The following RBFOX1 variants were observed in gnomAD, a reference collection of about 807,000 sequenced individuals.
RBFOX1 encodes the protein RNA binding protein fox-1 homolog 1.
RBFOX1 carries 8 observed loss-of-function variants against 57.7 expected under a neutral mutation model. That is an observed-to-expected ratio of 0.14 (90% CI 0.08 to 0.25). The LOEUF (loss-of-function observed/expected upper bound fraction) is 0.25, where lower values mean the gene tolerates loss of function less well. Among genes scored for constraint, RBFOX1 ranks in the 10% least tolerant of loss-of-function variants. RBFOX1 has a pLI of 1.00. For missense variants in RBFOX1, 611 were observed against 548.5 expected (o/e 1.11, Z -1.14); for synonymous variants, 326 against 222.4 (o/e 1.47, Z -4.15).
chr16:5,594,820 A>T (rs190814901), intron 2 of RBFOX1, among the ~76,000 whole-genome samples: 2 of 151,890 alleles, frequency 1.3e-5, no homozygotes, highest in Non-Finnish European at 2.9e-5. Flanking sequence ...TTACATGTCT[A>T]TGTAAGTATT....
intron 10 of RBFOX1, among the ~76,000 whole-genome samples, chr16:7,611,396 G>A (rs1231414855): frequency 2.0e-5 from 3 of 152,200 alleles, no homozygotes; most frequent in African/African-American, 7.2e-5. Flanking sequence ...GGCCAACATG[G>A]TGAAATCCTG....
chr16:7,054,672 A>C (rs375147448), intron 4 of RBFOX1, among the ~76,000 whole-genome samples: 14 of 152,262 alleles, frequency 9.2e-5, no homozygotes, highest in African/African-American at 2.6e-4. Context: ...GAAGAAAATT[A>C]GAAATCTGTT....
At chr16:5,527,645 C>T (rs1202815096) in intron 2 of RBFOX1, among the ~76,000 whole-genome samples, 1 of 152,102 alleles carries the variant, frequency 6.6e-6, no homozygotes, top group Admixed American at 6.5e-5. Flanking sequence ...CATTGGAGGG[C>T]AGGGTTTAGG....
intron 3 of RBFOX1, among the ~76,000 whole-genome samples, chr16:6,916,580 C>G (rs1428325212): frequency 2.0e-5 from 3 of 151,064 alleles, no homozygotes; most frequent in Non-Finnish European, 4.4e-5. Flanking sequence ...ATCATCGTGA[C>G]CTACACACTT....
chr16:7,539,205 A>G (rs2082269176), intron 5 of RBFOX1, among the ~76,000 whole-genome samples: 2 of 152,156 alleles, frequency 1.3e-5, no homozygotes, highest in African/African-American at 2.4e-5. Flanking sequence ...GAAAACACAT[A>G]TTAGGTTGAA....
intron 14 of RBFOX1, 83 bp from the exon 15 acceptor site, chr16:7,708,973 G>A (rs1395665782): frequency 4.5e-6 from 6 of 1,333,884 alleles, no homozygotes; most frequent in African/African-American, 1.4e-5. Flanking sequence ...CCTGCATACT[G>A]TCTTGGTATT....
At chr16:5,347,059 G>C (rs1368572705) in intron 1 of RBFOX1, among the ~76,000 whole-genome samples, 3 of 151,968 alleles carry the variant, frequency 2.0e-5, no homozygotes, top group Non-Finnish European at 2.9e-5. Flanking sequence ...CTTTCCTCAA[G>C]GGACGCCTTT....
intron 3 of RBFOX1, among the ~76,000 whole-genome samples, chr16:7,014,810 C>T (rs561226719): frequency 8.5e-5 from 13 of 152,192 alleles, no homozygotes; most frequent in African/African-American, 1.7e-4. Context: ...CTGCAACCTC[C>T]GTCTCCAGGA....
chr16:5,849,814 T>G (rs1053660401), intron 3 of RBFOX1, among the ~76,000 whole-genome samples: 3 of 152,210 alleles, frequency 2.0e-5, no homozygotes, highest in Non-Finnish European at 4.4e-5. Context: ...TGAGTTGTGC[T>G]GTCATTTGTT....
chr16:6,915,761 A>G (rs72772237), intron 3 of RBFOX1, among the ~76,000 whole-genome samples: 16,637 of 152,018 alleles, frequency 0.11, 1,150 homozygotes, highest in Non-Finnish European at 0.14. Flanking sequence ...CATGTTGCCC[A>G]TGCTGCCCTC....
chr16:7,302,035 A>T (rs1030320208), intron 4 of RBFOX1, among the ~76,000 whole-genome samples: 5 of 152,172 alleles, frequency 3.3e-5, no homozygotes, highest in African/African-American at 1.2e-4. Context: ...ACGTTTTTCA[A>T]ACTAACCACT....
Position 6,500,269 on chromosome 16 carries a change from G to C in RBFOX1, c.-63-154334G>C, listed in dbSNP as rs182704737. Among the ~76,000 whole-genome samples the C allele has an allele frequency of 2.5e-3, 388 of 152,246 alleles. 1 individual carries two copies. Among genetic ancestry groups the C allele is most frequent in the Non-Finnish European group, 3.7e-3 (253 of 68,028 alleles). ...AGGAGCTTATTGAGGCCTTTAGCAA[G>C]AAGACCATCATCTGTGTTCAACACA... On this transcript the variant is annotated intron_variant, in intron 2 of 15. Coordinates refer to ENST00000550418, the MANE Select transcript of RBFOX1 (RefSeq NM_018723.4).
Position 5,251,789 on chromosome 16 carries a change from C to G in RBFOX1, c.219+11684C>G, listed in dbSNP as rs540645934. Among the ~76,000 whole-genome samples, 178 of 152,034 alleles carry G rather than the reference C, an allele frequency of 1.2e-3. 1 individual carries two copies. Among genetic ancestry groups the G allele is most frequent in the African/African-American group, 4.1e-3 (168 of 41,446 alleles). On this transcript the variant is annotated intron_variant, in intron 1 of 2. Transcript: ENST00000585867. Reference sequence around the variant, plus strand: ...GTAGCTGCAACATGTGTCAACATTCCTCATGCTGTATGTTTAGATTTGTGA... The same window carrying G: ...GTAGCTGCAACATGTGTCAACATTCGTCATGCTGTATGTTTAGATTTGTGA...
intron 1 of RBFOX1, among the ~76,000 whole-genome samples, chr16:6,170,919 G>A (rs112461258): frequency 0.028 from 4,202 of 152,214 alleles, 192 homozygotes; most frequent in African/African-American, 0.094. Flanking sequence ...AGGACATGAT[G>A]TCTTTCTTTT....
chr16:6,590,214 T>C (rs8059360), intron 2 of RBFOX1, among the ~76,000 whole-genome samples: 3,585 of 152,340 alleles, frequency 0.024, 139 homozygotes, highest in African/African-American at 0.08. Context: ...TTTCAAGAGC[T>C]ATTACTTTTC....
At chr16:6,436,539 A>G (rs1355311160) in intron 2 of RBFOX1, among the ~76,000 whole-genome samples, 2 of 138,248 alleles carry the variant, frequency 1.4e-5, no homozygotes, top group Non-Finnish European at 3.2e-5. Flanking sequence ...TTTGCCTTAA[A>G]AAGTTTTATT....
chr16:7,199,723 C>T (rs925640576), intron 4 of RBFOX1, among the ~76,000 whole-genome samples: 4 of 152,156 alleles, frequency 2.6e-5, no homozygotes, highest in Non-Finnish European at 2.9e-5. Context: ...GGTGAAACCC[C>T]GTCTTTACTA....
At chr16:6,999,084 G>A (rs908292270) in intron 3 of RBFOX1, among the ~76,000 whole-genome samples, 35 of 150,504 alleles carry the variant, frequency 2.3e-4, no homozygotes, top group African/African-American at 8.0e-4. Context: ...GGCCAAGTTG[G>A]TCTTGAACTC....
intron 3 of RBFOX1, among the ~76,000 whole-genome samples, chr16:6,737,888 A>C (rs926470952): frequency 1.7e-4 from 26 of 152,228 alleles, no homozygotes; most frequent in African/African-American, 5.5e-4. Context: ...GAGATGGGGG[A>C]AGCCATGAAG....
Sources: gnomAD v4.1 joint callset for allele counts (sites outside exome capture counted in the v4.1 genomes callset) on GRCh38, gnomAD v4.1.1 for gene constraint, MANE v1.5 for transcripts, NCBI Gene and HGNC (gene_info 2026-07-23, HGNC 2026-07-21) for gene names.